RTTN: variants seen among roughly 807,000 people sequenced by gnomAD.
RTTN encodes the protein rotatin.
RTTN carries 182 observed loss-of-function variants against 269.2 expected under a neutral mutation model. The ratio of observed to expected loss-of-function variants is 0.68; its 90% CI spans 0.60 to 0.76. The LOEUF (loss-of-function observed/expected upper bound fraction) is 0.76. Ranked by LOEUF, RTTN falls within the 30% of genes least tolerant of loss-of-function variation. RTTN has a pLI of 0.00. For synonymous variants in RTTN, 1,006 were observed against 963.5 expected, an observed-to-expected ratio of 1.04 and a Z score of -0.82; for missense variants, 2,545 against 2,608.6, an observed-to-expected ratio of 0.98 and a Z score of 0.53.
At chr18:70,027,165 T>C (rs2056877684) in intron 43 of RTTN, among the ~76,000 whole-genome samples, 1 of 152,210 alleles carries the variant, frequency 6.6e-6, no homozygotes, top group Non-Finnish European at 1.5e-5. Flanking sequence ...GTCCACTGTT[T>C]AATTCATTTA....
chr18:70,106,728 T>C (rs970893063), intron 28 of RTTN, among the ~76,000 whole-genome samples: 3 of 152,116 alleles, frequency 2.0e-5, no homozygotes, highest in Non-Finnish European at 4.4e-5. Flanking sequence ...GAAAAATTTA[T>C]GTTTCTGAAA....
intron 33 of RTTN, 84 bp downstream of exon 33, chr18:70,075,268 A>AT: frequency 2.0e-6 from 2 of 1,006,212 alleles, no homozygotes; most frequent in Non-Finnish European, 2.8e-6. Flanking sequence ...CATTTTTCAA[A>AT]TTTTTAAAAC....
intron 3 of RTTN, among the ~76,000 whole-genome samples, chr18:70,202,729 T>C (rs1365355743): frequency 6.6e-6 from 1 of 152,216 alleles, no homozygotes; most frequent in East Asian, 1.9e-4. Context: ...CTTGGTACTG[T>C]GGGGCAAGTT....
In RTTN at chr18:70,149,050, T is replaced by C; in HGVS notation, c.2173-13A>G. ...TGTCGGCATAGCCCTAATAGATTTGTTTTTAAAGAGAAATTATTGTCTAAT... is the reference window on the plus strand; with the variant it reads ...TGTCGGCATAGCCCTAATAGATTTGCTTTTAAAGAGAAATTATTGTCTAAT... On this transcript the variant is annotated splice_polypyrimidine_tract_variant and intron_variant, in intron 16 of 48. Transcript: ENST00000640769. 6.2e-7 allele frequency: 1 copy of C among 1,605,996 alleles called. No individual in the cohort carries two copies. Among genetic ancestry groups the C allele is most frequent in the Non-Finnish European group, 8.5e-7 (1 of 1,176,026 alleles).
intron 25 of RTTN, among the ~76,000 whole-genome samples, chr18:70,123,563 T>TA (rs1433680335): frequency 6.6e-6 from 1 of 152,016 alleles, no homozygotes; most frequent in Non-Finnish European, 1.5e-5. Flanking sequence ...TTAGATTCCA[T>TA]ATATAAGACA....
intron 23 of RTTN, among the ~76,000 whole-genome samples, chr18:70,134,246 G>C (rs147450792): frequency 1.3e-5 from 2 of 151,996 alleles, no homozygotes; most frequent in Admixed American, 1.3e-4. Flanking sequence ...AGTATGCACC[G>C]TATAGCTTTC....
In RTTN at chr18:70,057,976, A is replaced by ATCAGATAGTTGT. The variant is rs1599318097; in HGVS notation, c.4941-145_4941-144insACAACTATCTGA. ...TATAAGCAAAGAAAATGTTTATAAA[A>ATCAGATAGTTGT]AGATATCTCAAAGAATTTCAAATTG... On this transcript the variant is annotated intron_variant, in intron 36 of 48. Coordinates refer to ENST00000640769, the MANE Select transcript of RTTN (RefSeq NM_173630.4). The ATCAGATAGTTGT allele has an allele frequency of 2.3e-5, 13 of 575,794 alleles. No individual in the cohort carries two copies. In the East Asian group the frequency reaches 3.9e-4, roughly 17 times the overall value. The allele number at this position is 575,794 out of a possible 1,614,324, so 35.7% of individuals were successfully genotyped here.
chr18:70,170,632 G>C (rs542847832), intron 11 of RTTN, among the ~76,000 whole-genome samples: 1 of 152,302 alleles, frequency 6.6e-6, no homozygotes, highest in Admixed American at 6.5e-5. Flanking sequence ...AGAAAGGAGT[G>C]GTGGGCCAGA....
chr18:70,102,902 C>T (rs934532363), intron 28 of RTTN, among the ~76,000 whole-genome samples: 6 of 151,612 alleles, frequency 4.0e-5, no homozygotes, highest in African/African-American at 1.5e-4. Context: ...CTGGCTGCCC[C>T]GTCTGGGAAG....
intron 32 of RTTN, among the ~76,000 whole-genome samples, chr18:70,080,928 TCACACACACACACACACACACACACA>T (rs138851066): frequency 6.8e-5 from 10 of 146,798 alleles, no homozygotes; most frequent in South Asian, 6.6e-4. Context: ...GTGTGTGGTA[TCACACACACACACACACACACACACA>T]CACACACACA....
chr18:70,033,935 C>T (rs879313015), intron 40 of RTTN, among the ~76,000 whole-genome samples: 1 of 152,022 alleles, frequency 6.6e-6, no homozygotes, highest in Non-Finnish European at 1.5e-5. Context: ...ATAAACACTT[C>T]TATGCACACA....
At chr18:70,050,702 GAA>G (rs1286539808) in intron 39 of RTTN, among the ~76,000 whole-genome samples, 17 of 152,132 alleles carry the variant, frequency 1.1e-4, no homozygotes, top group Admixed American at 1.1e-3. Flanking sequence ...AGTGGATAAA[GAA>G]AATGCAGCAC....
intron 11 of RTTN, among the ~76,000 whole-genome samples, chr18:70,169,789 T>C (rs969879524): frequency 1.3e-5 from 2 of 152,124 alleles, no homozygotes; most frequent in African/African-American, 4.8e-5. Context: ...ATTCTAAATA[T>C]CAATTAAAGG....
chr18:70,090,375 T>C (rs2058811380), intron 30 of RTTN, among the ~76,000 whole-genome samples: 1 of 152,006 alleles, frequency 6.6e-6, no homozygotes, highest in African/African-American at 2.4e-5. Context: ...AAAAATAAAC[T>C]AGAACAATTA....
At chr18:70,004,654 A>C (rs1215101903) in intron 48 of RTTN, among the ~76,000 whole-genome samples, 1 of 152,188 alleles carries the variant, frequency 6.6e-6, no homozygotes, top group Non-Finnish European at 1.5e-5. Context: ...ACAAATAACC[A>C]ACAGATATAT....
rs561609845 is a variant in RTTN, at chr18:70,113,738, C to T, written c.3683+707G>A. ...TAGAAAGAAGTAGTGATATTTGCTA[C>T]AGTATGCAAGGAGCTTGGAAACATG... On this transcript the variant is annotated intron_variant, in intron 27 of 48. Coordinates refer to ENST00000640769, the MANE Select transcript of RTTN (RefSeq NM_173630.4). Among the ~76,000 whole-genome samples, 84 of 152,248 alleles carry T rather than the reference C, an allele frequency of 5.5e-4. 1 individual carries two copies. The highest frequency in any genetic ancestry group is 2.0e-3 in the African/African-American group (82 of 41,552).
At chr18:70,179,459 A>G (rs1337417789) in intron 10 of RTTN, among the ~76,000 whole-genome samples, 1 of 152,204 alleles carries the variant, frequency 6.6e-6, no homozygotes, top group Non-Finnish European at 1.5e-5. Context: ...CATTTCTTCT[A>G]AGCATAAAAA....
intron 28 of RTTN, among the ~76,000 whole-genome samples, chr18:70,095,948 C>T (rs2058990876): frequency 6.6e-6 from 1 of 151,906 alleles, no homozygotes; most frequent in Middle Eastern, 3.4e-3. Flanking sequence ...CGTAGGTTCA[C>T]TCTTTTCACA....
chr18:70,063,350 G>A (rs2058044314), intron 35 of RTTN, among the ~76,000 whole-genome samples: 1 of 152,100 alleles, frequency 6.6e-6, no homozygotes, highest in Admixed American at 6.6e-5. Flanking sequence ...AAAGATAAAG[G>A]CTACTTTTAG....
Sources: allele counts gnomAD v4.1 joint callset (sites outside exome capture counted in the v4.1 genomes callset), GRCh38; gene constraint gnomAD v4.1.1; transcripts MANE v1.5; gene names NCBI Gene and HGNC (gene_info 2026-07-23, HGNC 2026-07-21).